The following CNTF variants were observed in gnomAD, a reference collection of about 807,000 sequenced individuals.
CNTF encodes ciliary neurotrophic factor.
A neutral mutation model predicts 13.0 loss-of-function variants in CNTF; 14 were observed. That is an observed-to-expected ratio of 1.07 (90% CI 0.71 to 1.68). CNTF has a LOEUF of 1.68. Among genes scored for constraint, CNTF ranks in the 40% most tolerant of loss-of-function variants. CNTF has a pLI of 0.00. For synonymous variants in CNTF, 98 were observed against 92.4 expected (o/e 1.06, Z -0.35); for missense variants, 283 against 252.5 (o/e 1.12, Z -0.82).
chr11:58,624,502 G>A lies in CNTF; in HGVS notation c.583G>A (p.Ala195Thr). The A allele has an allele frequency of 6.2e-7, 1 of 1,613,940 alleles. No homozygotes were observed. The highest frequency in any genetic ancestry group is 8.5e-7 in the Non-Finnish European group (1 of 1,179,962). ...CCCAGCACGTGGGAGCCATTATATTGCTAACAACAAGAAAATGTAGCAGTT... is the reference window on the plus strand; with the variant it reads ...CCCAGCACGTGGGAGCCATTATATTACTAACAACAAGAAAATGTAGCAGTT... ...GIPARGSHYI[A>T]NNKKM The change falls in exon 2 of 2, where the codon GCT becomes ACT. Residue 195 changes from alanine to threonine, a missense_variant. Transcript: ENST00000361987.
chr11:58,624,031 C>T lies in CNTF; in HGVS notation c.115-3C>T, dbSNP rs747353788. The T allele has an allele frequency of 6.2e-7, 1 of 1,611,790 alleles. No homozygotes were observed. Among genetic ancestry groups the T allele is most frequent in the South Asian group, 1.1e-5 (1 of 90,702 alleles). ...TGTGGTGTTTTCCTGTATCCTCGGC[C>T]AGGTGAAGCATCAGGGCCTGAACAA... On this transcript the variant is annotated splice_region_variant and splice_polypyrimidine_tract_variant and intron_variant, in intron 1 of 1. Transcript: ENST00000361987.
intron 1 of CNTF, 37 bp downstream of exon 1, chr11:58,622,903 C>G: frequency 6.8e-7 from 1 of 1,469,256 alleles, no homozygotes; most frequent in Non-Finnish European, 9.5e-7. Flanking sequence ...GTTTTCCCTT[C>G]ATCTTTTTTG....
chr11:58,623,075 TGA>T (rs961290665), intron 1 of CNTF, among the ~76,000 whole-genome samples: 16 of 152,294 alleles, frequency 1.1e-4, no homozygotes, highest in African/African-American at 3.9e-4. Flanking sequence ...GTTACTTGAA[TGA>T]GAAAATATAT....
rs988113783 is a variant in CNTF at position 58,624,165 on chromosome 11, C to G, written c.246C>G (p.Thr82=). 6.2e-6 allele frequency: 10 copies of G among 1,613,890 alleles called. No individual in the cohort carries two copies. Among genetic ancestry groups the G allele is most frequent in the Non-Finnish European group, 8.5e-6 (10 of 1,180,012 alleles). Reference sequence around the variant, plus strand: ...AAGAGAACCTTCAAGCTTATCGTACCTTCCATGTTTTGTTGGCCAGGCTCT... The same window carrying G: ...AAGAGAACCTTCAAGCTTATCGTACGTTCCATGTTTTGTTGGCCAGGCTCT... ...RLQENLQAYR[T]FHVLLARLLE... is the part of the protein sequence containing the mutation. The change falls in exon 2 of 2, where the codon ACC becomes ACG. Residue 82 remains threonine, a synonymous_variant. Transcript: ENST00000361987.
In CNTF at chr11:58,624,267, C is replaced by T. The variant is rs1024339925; in HGVS notation, c.348C>T (p.Val116=). The change falls in exon 2 of 2, where the codon GTC becomes GTT. Residue 116 remains valine, a synonymous_variant. Coordinates refer to ENST00000361987, the MANE Select transcript of CNTF (RefSeq NM_000614.4). ...CTATACATACCCTTCTTCTCCAAGTCGCTGCCTTTGCATACCAGATAGAGG... is the reference window on the plus strand; with the variant it reads ...CTATACATACCCTTCTTCTCCAAGTTGCTGCCTTTGCATACCAGATAGAGG... ...HQAIHTLLLQ[V]AAFAYQIEEL... is the part of the protein sequence containing the mutation. The T allele has an allele frequency of 1.9e-6, 3 of 1,613,904 alleles. No individual in the cohort carries two copies. Among genetic ancestry groups the T allele is most frequent in the East Asian group, 2.2e-5 (1 of 44,864 alleles).
chr11:58,623,988 T>G lies in CNTF; in HGVS notation c.115-46T>G. On this transcript the variant is annotated intron_variant, in intron 1 of 1. Coordinates refer to ENST00000361987, the MANE Select transcript of CNTF (RefSeq NM_000614.4). ...AAATTTAGGGGTGATTTAAGGACAC[T>G]GGGGTGATGACAGAAGATGTGGTGT... The G allele has an allele frequency of 1.3e-6, 2 of 1,597,452 alleles. 1 individual carries two copies. Among genetic ancestry groups the G allele is most frequent in the South Asian group, 2.3e-5 (2 of 87,990 alleles).
chr11:58,624,809 TC>T lies in CNTF; in HGVS notation c.*289del. 2.6e-6 allele frequency: 1 copy of T among 390,626 alleles called. No individual in the cohort carries two copies. The allele number at this position is 390,626 out of a possible 1,614,324, so 24.2% of individuals were successfully genotyped here. ...AGAGTGGGAGCAGGGACAACGTCCT[TC>T]CACTTCAGGGTTCTAACCTTTCTAA... is the stretch of plus-strand genomic sequence containing the variant. On this transcript the variant is annotated 3_prime_UTR_variant, in exon 2 of 2. Transcript: ENST00000361987.
chr11:58,624,862 T>A lies in CNTF; in HGVS notation c.*340T>A. ...CCACTAAGTAACCTCTACAGGCATT[T>A]AACTGCCTTACAGACAGAATATACA... is the stretch of plus-strand genomic sequence containing the variant. On this transcript the variant is annotated 3_prime_UTR_variant, in exon 2 of 2. Transcript: ENST00000361987. 1 of 284,134 alleles carries A rather than the reference T, an allele frequency of 3.5e-6. No homozygotes were observed. The highest frequency in any genetic ancestry group is 6.8e-6 in the Non-Finnish European group (1 of 147,194). 17.6% of individuals were successfully genotyped at this position (284,134 alleles called of 1,614,324 possible).
rs766216220 is a variant in CNTF at position 58,622,844 on chromosome 11, T to A, written c.92T>A (p.Leu31Gln). The A allele has an allele frequency of 4.3e-6, 7 of 1,613,742 alleles. No homozygotes were observed. The highest frequency in any genetic ancestry group is 5.9e-6 in the Non-Finnish European group (7 of 1,179,796). The change falls in exon 1 of 2, where the codon CTG (leucine) becomes CAG (glutamine). Residue 31 changes from leucine to glutamine, a missense_variant. By Grantham distance (113) the Leu-to-Gln change is moderately radical. Transcript: ENST00000361987. Reference sequence around the variant, plus strand: ...CTAGCAAGGAAGATTCGTTCAGACCTGACTGCTCTTACGGAATCCTATGTA... The same window carrying A: ...CTAGCAAGGAAGATTCGTTCAGACCAGACTGCTCTTACGGAATCCTATGTA... ...IWLARKIRSDLTALTESYVKH... is the reference protein window; with the variant it reads ...IWLARKIRSDQTALTESYVKH...
Position 58,624,180 on chromosome 11 carries a change from G to A in CNTF, c.261G>A (p.Leu87=), listed in dbSNP as rs759964585. ...CTTATCGTACCTTCCATGTTTTGTT[G>A]GCCAGGCTCTTAGAAGACCAGCAGG... ...LQAYRTFHVL[L]ARLLEDQQVH... is the part of the protein sequence containing the mutation. Residue 87 remains leucine (L), a synonymous_variant, in exon 2 of 2, where the codon TTG becomes TTA. Transcript: ENST00000361987. The A allele has an allele frequency of 1.9e-6, 3 of 1,613,950 alleles. No homozygotes were observed. The highest frequency in any genetic ancestry group is 1.3e-5 in the African/African-American group (1 of 74,956).
chr11:58,623,594 CTT>C (rs1855884442), intron 1 of CNTF, among the ~76,000 whole-genome samples: 1 of 152,182 alleles, frequency 6.6e-6, no homozygotes. Flanking sequence ...AAATCAGACT[CTT>C]TGGGAGTGCT....
Position 58,624,676 on chromosome 11 carries a change from CTACAGGT to C in CNTF, c.*155_*161del. 1.2e-6 allele frequency: 1 copy of C among 815,890 alleles called. No homozygotes were observed. Among genetic ancestry groups the C allele is most frequent in the Non-Finnish European group, 1.9e-6 (1 of 520,126 alleles). The allele number at this position is 815,890 out of a possible 1,614,324, so 50.5% of individuals were successfully genotyped here. ...TGACCACCTGCAGCCTGTTGAAGGA[CTACAGGT>C]ATTTTCATCAAGTAGCGTTGGAGAC... On this transcript the variant is annotated 3_prime_UTR_variant, in exon 2 of 2. Coordinates refer to ENST00000361987, the MANE Select transcript of CNTF (RefSeq NM_000614.4).
In CNTF at chr11:58,624,362, A is replaced by C; in HGVS notation, c.443A>C (p.Asp148Ala). 1 of 1,613,734 alleles carries C rather than the reference A, an allele frequency of 6.2e-7. No homozygotes were observed. Among genetic ancestry groups the C allele is most frequent in the Non-Finnish European group, 8.5e-7 (1 of 1,179,968 alleles). The change falls in exon 2 of 2, where the codon GAT (aspartate) becomes GCT (alanine). Residue 148 changes from aspartate to alanine, a missense_variant. By Grantham distance (126) the Asp-to-Ala change is moderately radical. Coordinates refer to ENST00000361987, the MANE Select transcript of CNTF (RefSeq NM_000614.4). Reference sequence around the variant, plus strand: ...GATGGGATGCCTATTAATGTTGGAGATGGTGGTCTCTTTGAGAAGAAGCTG... The same window carrying C: ...GATGGGATGCCTATTAATGTTGGAGCTGGTGGTCTCTTTGAGAAGAAGCTG... ...EADGMPINVG[D>A]GGLFEKKLWG... is the part of the protein sequence containing the mutation.
chr11:58,625,046 G>A lies in CNTF; in HGVS notation c.*524G>A, dbSNP rs934673412. ...TGCCAAGGGTCTTTATGTATATTAT[G>A]TACAGCGTTTACAACCTTGTGAGCA... On this transcript the variant is annotated 3_prime_UTR_variant, in exon 2 of 2. Transcript: ENST00000361987. 6.3e-5 allele frequency: 10 copies of A among 157,512 alleles called. No homozygotes were observed. The highest frequency in any genetic ancestry group is 2.4e-4 in the African/African-American group (10 of 41,576). The allele number at this position is 157,512 out of a possible 1,614,324, so 9.8% of individuals were successfully genotyped here.
intron 1 of CNTF, 118 bp from the exon 2 acceptor site, chr11:58,623,916 T>G: frequency 2.1e-6 from 3 of 1,401,476 alleles, no homozygotes; most frequent in Non-Finnish European, 2.9e-6. Context: ...TATTATTTAC[T>G]TTACAACTTG....
chr11:58,622,968 T>C, intron 1 of CNTF, 102 bp downstream of exon 1: 1 of 810,332 alleles, frequency 1.2e-6, no homozygotes, highest in Non-Finnish European at 2.1e-6. Context: ...AAAGCTCTAA[T>C]CATATAGTCA....
At position 58,624,630 on chromosome 11, in the gene CNTF, G is replaced by A; in HGVS notation, c.*108G>A. ...TTTCTAAAAACAGTTAAGACAACAGGCATTTTCTTTCTTTTTTCTCTGACC... is the reference window on the plus strand; with the variant it reads ...TTTCTAAAAACAGTTAAGACAACAGACATTTTCTTTCTTTTTTCTCTGACC... On this transcript the variant is annotated 3_prime_UTR_variant, in exon 2 of 2. Coordinates refer to ENST00000361987, the MANE Select transcript of CNTF (RefSeq NM_000614.4). 2 of 1,383,708 alleles carry A rather than the reference G, an allele frequency of 1.4e-6. No homozygotes were observed. Among genetic ancestry groups the A allele is most frequent in the Middle Eastern group, 1.8e-4 (1 of 5,558 alleles). The allele number at this position is 1,383,708 out of a possible 1,614,324, so 85.7% of individuals were successfully genotyped here.
intron 1 of CNTF, among the ~76,000 whole-genome samples, 167 bp from the exon 2 acceptor site, chr11:58,623,867 C>T (rs1341837974): frequency 6.6e-6 from 1 of 152,036 alleles, no homozygotes; most frequent in Non-Finnish European, 1.5e-5. Flanking sequence ...TTCTAAAGTC[C>T]AGTCATAGAG....
chr11:58,624,519 G>A lies in CNTF; in HGVS notation c.600G>A (p.Met200Ile). 1.2e-6 allele frequency: 2 copies of A among 1,613,622 alleles called. No homozygotes were observed. Among genetic ancestry groups the A allele is most frequent in the Middle Eastern group, 1.7e-4 (1 of 6,054 alleles). ...GSHYIANNKKM is the reference protein window; with the variant it reads ...GSHYIANNKKI Reference sequence around the variant, plus strand: ...ATTATATTGCTAACAACAAGAAAATGTAGCAGTTAGTCCCTTCTCTCTTCC... The same window carrying A: ...ATTATATTGCTAACAACAAGAAAATATAGCAGTTAGTCCCTTCTCTCTTCC... Residue 200 changes from methionine (M) to isoleucine (I), a missense_variant, in exon 2 of 2, where the codon ATG becomes ATA. By Grantham distance (10) the Met-to-Ile change is conservative. Transcript: ENST00000361987.
Sources: gnomAD v4.1 joint callset for allele counts (sites outside exome capture counted in the v4.1 genomes callset) on GRCh38, gnomAD v4.1.1 for gene constraint, MANE v1.5 for transcripts, NCBI Gene and HGNC (gene_info 2026-07-23, HGNC 2026-07-21) for gene names.